Variants in TRHDE observed in about 807,000 individuals in gnomAD.
TRHDE encodes the protein thyrotropin-releasing hormone-degrading ectoenzyme.
A neutral mutation model predicts 125.7 loss-of-function variants in TRHDE; 72 were observed. The ratio of observed to expected loss-of-function variants is 0.57; its 90% CI spans 0.47 to 0.70. The LOEUF (loss-of-function observed/expected upper bound fraction) is 0.70, where lower values mean the gene tolerates loss of function less well. TRHDE is among the 30% of genes least tolerant of loss of function. TRHDE has a pLI of 0.00. For missense variants in TRHDE, 1,110 were observed against 1,327.1 expected, an observed-to-expected ratio of 0.84 and a Z score of 2.54; for synonymous variants, 509 against 509.1, an observed-to-expected ratio of 1.00 and a Z score of 0.00.
At chr12:72,571,974 A>AACACACACAT (rs1870754341) in intron 10 of TRHDE, among the ~76,000 whole-genome samples, 1 of 127,446 alleles carries the variant, frequency 7.8e-6, no homozygotes, top group Non-Finnish European at 1.7e-5. Context: ...TGACTCTGCA[A>AACACACACAT]ACACACACAC....
chr12:72,491,520 T>G (rs1877684082), intron 5 of TRHDE, among the ~76,000 whole-genome samples: 1 of 151,938 alleles, frequency 6.6e-6, no homozygotes, highest in Non-Finnish European at 1.5e-5. Flanking sequence ...ATCTTAGCAT[T>G]TTCCCTTAGC....
chr12:72,583,286 C>T (rs957001598), intron 12 of TRHDE, among the ~76,000 whole-genome samples: 3 of 152,180 alleles, frequency 2.0e-5, no homozygotes, highest in Non-Finnish European at 2.9e-5. Flanking sequence ...TTAAAATTAG[C>T]TTGTTGTTAT....
chr12:72,477,659 A>G (rs1024369546), intron 5 of TRHDE, among the ~76,000 whole-genome samples: 4 of 152,228 alleles, frequency 2.6e-5, no homozygotes, highest in African/African-American at 9.6e-5. Flanking sequence ...AGAAGGACTG[A>G]CACAGCACAG....
At chr12:72,544,817 T>C (rs893011664) in intron 7 of TRHDE, among the ~76,000 whole-genome samples, 1 of 151,574 alleles carries the variant, frequency 6.6e-6, no homozygotes, top group Non-Finnish European at 1.5e-5. Flanking sequence ...GTAGTAGGTT[T>C]CTGGGTTAGT....
intron 12 of TRHDE, among the ~76,000 whole-genome samples, chr12:72,577,591 G>C (rs952592669): frequency 6.6e-6 from 1 of 152,154 alleles, no homozygotes; most frequent in East Asian, 1.9e-4. Context: ...ATGATGGTGA[G>C]AAAGCAAGTA....
intron 2 of TRHDE, among the ~76,000 whole-genome samples, chr12:72,203,881 A>C (rs1380962806): frequency 6.6e-6 from 1 of 152,196 alleles, no homozygotes; most frequent in African/African-American, 2.4e-5. Context: ...AGGTCCTAAA[A>C]TAGTTTAGTA....
At chr12:72,637,042 C>G (rs1395100542) in intron 15 of TRHDE, among the ~76,000 whole-genome samples, 2 of 152,086 alleles carry the variant, frequency 1.3e-5, no homozygotes, top group African/African-American at 2.4e-5. Flanking sequence ...AGGATTCCCT[C>G]TTTTTCTATT....
upstream of TRHDE, among the ~76,000 whole-genome samples, chr12:72,270,620 T>C (rs757221826): frequency 1.3e-5 from 2 of 150,706 alleles, no homozygotes; most frequent in Non-Finnish European, 2.9e-5. Flanking sequence ...GAAAGAAACA[T>C]GTAAAAAGGA....
intron 6 of TRHDE, among the ~76,000 whole-genome samples, chr12:72,536,798 T>C (rs1868883713): frequency 6.6e-6 from 1 of 152,100 alleles, no homozygotes; most frequent in Non-Finnish European, 1.5e-5. Flanking sequence ...CAAGTTCATA[T>C]CTGTCTTCTA....
chr12:72,553,749 C>T (rs1294090228), intron 7 of TRHDE, among the ~76,000 whole-genome samples: 2 of 151,784 alleles, frequency 1.3e-5, no homozygotes, highest in African/African-American at 4.8e-5. Context: ...CCCACCCCAC[C>T]CAGGCAATTT....
intron 2 of TRHDE, among the ~76,000 whole-genome samples, chr12:72,302,969 C>G (rs542267659): frequency 6.7e-4 from 102 of 152,232 alleles, no homozygotes; most frequent in Non-Finnish European, 1.2e-3. Context: ...GAAAATGTCT[C>G]TAGACATTGC....
intron 2 of TRHDE, among the ~76,000 whole-genome samples, chr12:72,180,861 C>A (rs1427756840): frequency 6.6e-6 from 1 of 152,170 alleles, no homozygotes; most frequent in Admixed American, 6.5e-5. Flanking sequence ...TCTTCAATGA[C>A]CCTGACTGTA....
At chr12:72,521,094 A>G (rs147237632) in intron 6 of TRHDE, among the ~76,000 whole-genome samples, 1 of 152,326 alleles carries the variant, frequency 6.6e-6, no homozygotes, top group East Asian at 1.9e-4. Flanking sequence ...CTGATCATAT[A>G]GTCAAGTAGG....
At chr12:72,326,973 A>G (rs1490742624) in intron 2 of TRHDE, among the ~76,000 whole-genome samples, 1 of 152,158 alleles carries the variant, frequency 6.6e-6, no homozygotes, top group Non-Finnish European at 1.5e-5. Flanking sequence ...TACAAGCTCT[A>G]CAGTTCTTTG....
At chr12:72,613,543 A>G (rs1159157815) in intron 12 of TRHDE, among the ~76,000 whole-genome samples, 1 of 152,202 alleles carries the variant, frequency 6.6e-6, no homozygotes, top group Non-Finnish European at 1.5e-5. Context: ...TTGAGTGCCT[A>G]TTTTGTGCTA....
At chr12:72,289,954 A>C (rs925871980) in intron 2 of TRHDE, among the ~76,000 whole-genome samples, 3 of 152,132 alleles carry the variant, frequency 2.0e-5, no homozygotes, top group Admixed American at 2.0e-4. Flanking sequence ...AGACATTTGG[A>C]GTTGAAAATC....
chr12:72,563,252 T>C (rs1592538333), intron 9 of TRHDE, among the ~76,000 whole-genome samples: 1 of 152,154 alleles, frequency 6.6e-6, no homozygotes, highest in Non-Finnish European at 1.5e-5. Flanking sequence ...AAGTTATTTG[T>C]TTAGGAAGAC....
intron 6 of TRHDE, among the ~76,000 whole-genome samples, chr12:72,503,735 AT>A (rs1854163372): frequency 1.3e-5 from 2 of 152,204 alleles, no homozygotes; most frequent in Non-Finnish European, 1.5e-5. Context: ...TCCTTAAGAT[AT>A]GCTAAGACTC....
intron 6 of TRHDE, among the ~76,000 whole-genome samples, chr12:72,514,869 T>TGA (rs1878766953): frequency 1.4e-5 from 2 of 143,510 alleles, no homozygotes; most frequent in African/African-American, 5.2e-5. Context: ...TTCCCACCTA[T>TGA]GAGTGAGAAT....
Sources: allele counts gnomAD v4.1 joint callset (sites outside exome capture counted in the v4.1 genomes callset), GRCh38; gene constraint gnomAD v4.1.1; transcripts MANE v1.5; gene names NCBI Gene and HGNC (gene_info 2026-07-23, HGNC 2026-07-21).